The following ANKRD33B variants were observed in gnomAD, a reference collection of about 807,000 sequenced individuals.
ANKRD33B encodes the protein ankyrin repeat domain 33B.
In ANKRD33B, 6 loss-of-function variants were observed where a neutral mutation model predicts 21.5. The observed-to-expected ratio is 0.28, with a 90% CI of 0.15 to 0.55. The LOEUF (loss-of-function observed/expected upper bound fraction) is 0.55. ANKRD33B is among the 20% of genes least tolerant of loss of function. The pLI is 0.94. For synonymous variants in ANKRD33B, 347 were observed against 342.4 expected (o/e 1.01, Z -0.15); for missense variants, 698 against 747.2 (o/e 0.93, Z 0.77).
chr5:10,574,850 C>T (rs62339263), intron 1 of ANKRD33B, among the ~76,000 whole-genome samples: 56,155 of 71,264 alleles, frequency 0.79, 24,179 homozygotes, highest in South Asian at 0.97. Flanking sequence ...GAGGCTGAAG[C>T]GGGAGAGCTG....
rs940972555 is a variant in ANKRD33B at position 10,650,794 on chromosome 5, A to G, written c.*681A>G. ...TTAAAACTCTTATCCATATAGTAAT[A>G]TATTGAGGAAAAACATATTGTCAAA... On this transcript the variant is annotated 3_prime_UTR_variant, in exon 4 of 4. Transcript: ENST00000296657. The G allele has an allele frequency of 6.6e-6, 1 of 152,384 alleles. No homozygotes were observed. The highest frequency in any genetic ancestry group is 6.5e-5 in the Admixed American group (1 of 15,280). 9.4% of individuals were successfully genotyped at this position (152,384 alleles called of 1,614,324 possible).
In ANKRD33B at chr5:10,577,274, C is replaced by T. The variant is rs540413663; in HGVS notation, c.366+12441C>T. 5.1e-4 allele frequency among the ~76,000 whole-genome samples: 77 copies of T among 152,284 alleles called. 1 individual carries two copies. The highest frequency in any genetic ancestry group is 1.8e-3 in the African/African-American group (74 of 41,554). ...CCTCCCAAGTAGCTGGGATTACAGGCACCCACCACCATGCCTGGCTAATTT... is the reference window on the plus strand; with the variant it reads ...CCTCCCAAGTAGCTGGGATTACAGGTACCCACCACCATGCCTGGCTAATTT... On this transcript the variant is annotated intron_variant, in intron 1 of 3. Transcript: ENST00000296657.
At chr5:10,618,496 C>G (rs375954265) in intron 2 of ANKRD33B, 34 bp downstream of exon 2, 1 of 1,495,160 alleles carries the variant, frequency 6.7e-7, no homozygotes, top group Non-Finnish European at 8.9e-7. Flanking sequence ...CTCTCAGAGC[C>G]GTGGCCAGAG....
chr5:10,595,820 G>A (rs1368547833), intron 1 of ANKRD33B, among the ~76,000 whole-genome samples: 8 of 152,144 alleles, frequency 5.3e-5, no homozygotes, highest in Admixed American at 3.3e-4. Flanking sequence ...GGATGATTAC[G>A]ACTCTGGAAA....
At chr5:10,596,160 C>A (rs577905907) in intron 1 of ANKRD33B, among the ~76,000 whole-genome samples, 1 of 152,184 alleles carries the variant, frequency 6.6e-6, no homozygotes, top group South Asian at 2.1e-4. Context: ...TCTTTTTGTC[C>A]CCCTCAACTT....
intron 1 of ANKRD33B, among the ~76,000 whole-genome samples, chr5:10,568,447 T>C (rs1560958205): frequency 6.6e-6 from 1 of 152,270 alleles, no homozygotes; most frequent in East Asian, 1.9e-4. Flanking sequence ...GCAGTTTAAA[T>C]GTCAGACAGC....
chr5:10,636,464 TTAA>T (rs1411209876), intron 2 of ANKRD33B, among the ~76,000 whole-genome samples: 1 of 151,680 alleles, frequency 6.6e-6, no homozygotes, highest in Non-Finnish European at 1.5e-5. Context: ...AAAATTTTTT[TTAA>T]TTAGCTGGGC....
intron 3 of ANKRD33B, among the ~76,000 whole-genome samples, chr5:10,647,040 T>A (rs1318719284): frequency 6.6e-6 from 1 of 152,204 alleles, no homozygotes; most frequent in Non-Finnish European, 1.5e-5. Flanking sequence ...ACAGACTAGA[T>A]AATTGCCCTA....
chr5:10,592,568 G>C (rs561525690), intron 1 of ANKRD33B, among the ~76,000 whole-genome samples: 1 of 150,594 alleles, frequency 6.6e-6, no homozygotes, highest in East Asian at 2.0e-4. Context: ...GTTGCAATGA[G>C]CTGAGCTGAG....
rs542919928 is a variant in ANKRD33B, at chr5:10,590,861, C to T, written c.366+26028C>T. Among the ~76,000 whole-genome samples, 23 of 152,198 alleles carry T rather than the reference C, an allele frequency of 1.5e-4. No homozygotes were observed. The South Asian group carries it at 4.8e-3, about 32-fold the overall frequency. On this transcript the variant is annotated intron_variant, in intron 1 of 3. Transcript: ENST00000296657. ...AAGCCATGAGAATGGAAGCTTATCT[C>T]AGGATTTCCGCCTTCTTTCTGGAAT...
At chr5:10,570,395 C>T (rs966457119) in intron 1 of ANKRD33B, among the ~76,000 whole-genome samples, 9 of 152,126 alleles carry the variant, frequency 5.9e-5, no homozygotes, top group African/African-American at 2.2e-4. Flanking sequence ...GAGGACTCAT[C>T]GCTGCTCCAT....
At chr5:10,631,578 C>G (rs1297542644) in intron 2 of ANKRD33B, among the ~76,000 whole-genome samples, 1 of 152,240 alleles carries the variant, frequency 6.6e-6, no homozygotes, top group Non-Finnish European at 1.5e-5. Flanking sequence ...GAAACAGACC[C>G]TTCCAGGGGC....
Position 10,651,816 on chromosome 5 carries a change from C to CAAAT in ANKRD33B, c.*1705_*1708dup, listed in dbSNP as rs1482107270. The CAAAT allele has an allele frequency of 6.6e-6, 1 of 152,350 alleles. No homozygotes were observed. Among genetic ancestry groups the CAAAT allele is most frequent in the Non-Finnish European group, 1.5e-5 (1 of 68,106 alleles). 9.4% of individuals were successfully genotyped at this position (152,350 alleles called of 1,614,324 possible). A position where few individuals can be genotyped will look rare whatever the true frequency, so the allele number is the denominator to read the frequency against. On this transcript the variant is annotated 3_prime_UTR_variant, in exon 4 of 4. Coordinates refer to ENST00000296657, the MANE Select transcript of ANKRD33B (RefSeq NM_001164440.2). The stretch of plus-strand genomic sequence containing the variant: ...ACCAGGGATCTTAAACTGGCCTCTC[C>CAAAT]AAATACTCCATTGAACAGGACTGCA...
At chr5:10,589,289 T>G (rs1735634198) in intron 1 of ANKRD33B, among the ~76,000 whole-genome samples, 1 of 151,936 alleles carries the variant, frequency 6.6e-6, no homozygotes, top group South Asian at 2.1e-4. Context: ...TTCTCTTTGG[T>G]CTTGCCAGGG....
Position 10,656,765 on chromosome 5 carries a change from C to T in ANKRD33B, c.*6652C>T, listed in dbSNP as rs79404468. On this transcript the variant is annotated 3_prime_UTR_variant, in exon 4 of 4. Coordinates refer to ENST00000296657, the MANE Select transcript of ANKRD33B (RefSeq NM_001164440.2). ...GGAGGGGCCCAGGCCCAAGAGGATT[C>T]TTTACCCCTGGAAGAGCTCCCCAGG... The T allele has an allele frequency of 0.043, 6,601 of 152,510 alleles. 475 individuals carry two copies. The highest frequency in any genetic ancestry group is 0.15 in the African/African-American group (6,272 of 41,552). 9.4% of individuals were successfully genotyped at this position (152,510 alleles called of 1,614,324 possible). A position where few individuals can be genotyped will look rare whatever the true frequency, so the allele number is the denominator to read the frequency against.
At chr5:10,567,794 G>T (rs769390571) in intron 1 of ANKRD33B, among the ~76,000 whole-genome samples, 11 of 152,324 alleles carry the variant, frequency 7.2e-5, no homozygotes, top group African/African-American at 1.4e-4. Context: ...TGGGAACCTC[G>T]TTGGAGCCTG....
At chr5:10,572,892 C>T (rs1340611456) in intron 1 of ANKRD33B, among the ~76,000 whole-genome samples, 3 of 152,166 alleles carry the variant, frequency 2.0e-5, no homozygotes, top group Non-Finnish European at 4.4e-5. Flanking sequence ...GAAACAGAGG[C>T]CAGAGAGAAA....
intron 1 of ANKRD33B, among the ~76,000 whole-genome samples, chr5:10,566,423 G>A (rs1350921431): frequency 6.6e-6 from 1 of 152,142 alleles, no homozygotes; most frequent in African/African-American, 2.4e-5. Flanking sequence ...CTTGCTTTCT[G>A]GAAGCCAGTA....
intron 1 of ANKRD33B, among the ~76,000 whole-genome samples, chr5:10,613,214 T>G (rs1047370200): frequency 3.9e-5 from 6 of 152,138 alleles, no homozygotes; most frequent in African/African-American, 9.7e-5. Flanking sequence ...GGCCCTCCTT[T>G]TTCCTTCAGA....
Sources: allele counts gnomAD v4.1 joint callset (sites outside exome capture counted in the v4.1 genomes callset), GRCh38; gene constraint gnomAD v4.1.1; transcripts MANE v1.5; gene names NCBI Gene and HGNC (gene_info 2026-07-23, HGNC 2026-07-21).